Variants in ESRRG observed in about 807,000 individuals in gnomAD.
The protein encoded by ESRRG is estrogen-related receptor gamma.
In ESRRG, 13 loss-of-function variants were observed where a neutral mutation model predicts 44.0. The observed-to-expected ratio is 0.30, with a 90% CI of 0.19 to 0.47. ESRRG has a LOEUF of 0.47. Among genes scored for constraint, ESRRG ranks in the 20% least tolerant of loss-of-function variants. ESRRG has a pLI of 1.00. For synonymous variants in ESRRG, 215 were observed against 214.6 expected, an observed-to-expected ratio of 1.00 and a Z score of -0.02; for missense variants, 395 against 580.6, an observed-to-expected ratio of 0.68 and a Z score of 3.29.
intron 2 of ESRRG, among the ~76,000 whole-genome samples, chr1:216,917,819 G>A (rs367885055): frequency 6.6e-6 from 1 of 152,144 alleles, no homozygotes; most frequent in Non-Finnish European, 1.5e-5. Context: ...TTTCTTATCC[G>A]CAAATTAAAA....
At chr1:216,912,986 G>A (rs1021384889) in intron 2 of ESRRG, among the ~76,000 whole-genome samples, 1 of 151,632 alleles carries the variant, frequency 6.6e-6, no homozygotes, top group Admixed American at 6.6e-5. Context: ...AGCTGGGCGT[G>A]GTGACATATG....
chr1:216,515,236 TATATATATGCATGGATGTGTGTAC>T (rs2148848161), intron 6 of ESRRG, among the ~76,000 whole-genome samples: 1 of 152,052 alleles, frequency 6.6e-6, no homozygotes, highest in Non-Finnish European at 1.5e-5. Flanking sequence ...TATAATATAA[TATATATATGCATGGATGTGTGTAC>T]ACGTATGTAT....
At chr1:217,132,628 G>A (rs895566449) in intron 1 of ESRRG, among the ~76,000 whole-genome samples, 1 of 152,056 alleles carries the variant, frequency 6.6e-6, no homozygotes, top group Non-Finnish European at 1.5e-5. Flanking sequence ...ATGATCTAAG[G>A]TCGGTCGTCT....
At chr1:216,875,638 A>C (rs565204172) in intron 2 of ESRRG, among the ~76,000 whole-genome samples, 1 of 152,050 alleles carries the variant, frequency 6.6e-6, no homozygotes, top group African/African-American at 2.4e-5. Context: ...TTTATATTAT[A>C]TTTATTTATA....
At chr1:217,036,067 A>G (rs2082836688) in intron 1 of ESRRG, among the ~76,000 whole-genome samples, 1 of 152,226 alleles carries the variant, frequency 6.6e-6, no homozygotes, top group South Asian at 2.1e-4. Flanking sequence ...GAAAAGCTCA[A>G]CTTCACTGAT....
At chr1:217,135,263 C>G (rs970311571) in intron 1 of ESRRG, among the ~76,000 whole-genome samples, 32 of 152,138 alleles carry the variant, frequency 2.1e-4, no homozygotes, top group South Asian at 1.0e-3. Flanking sequence ...CTCCGCCCAG[C>G]CCCGTACAGT....
chr1:217,106,399 C>T (rs1248831929), intron 1 of ESRRG, among the ~76,000 whole-genome samples: 1 of 151,234 alleles, frequency 6.6e-6, no homozygotes, highest in East Asian at 1.9e-4. Flanking sequence ...TATGCACACA[C>T]ACACACACAC....
chr1:216,772,401 G>GT (rs548920383), intron 2 of ESRRG, among the ~76,000 whole-genome samples: 104 of 152,174 alleles, frequency 6.8e-4, no homozygotes, highest in African/African-American at 2.4e-3. Context: ...CACATGACAA[G>GT]TTTGGGAAGA....
At chr1:217,030,588 A>C (rs1412772748) in intron 1 of ESRRG, among the ~76,000 whole-genome samples, 1 of 152,140 alleles carries the variant, frequency 6.6e-6, no homozygotes, top group Non-Finnish European at 1.5e-5. Context: ...GTTAGACAAG[A>C]TCTCTAAGCC....
At chr1:216,556,645 G>C (rs1260138232) in intron 5 of ESRRG, among the ~76,000 whole-genome samples, 1 of 152,104 alleles carries the variant, frequency 6.6e-6, no homozygotes, top group East Asian at 1.9e-4. Flanking sequence ...TCATGATGGG[G>C]TCCTTGCAGA....
intron 2 of ESRRG, among the ~76,000 whole-genome samples, chr1:216,663,358 G>A (rs1450633564): frequency 6.6e-6 from 1 of 152,114 alleles, no homozygotes; most frequent in Admixed American, 6.6e-5. Flanking sequence ...ACTGTAAATA[G>A]TATGCACTGA....
intron 1 of ESRRG, among the ~76,000 whole-genome samples, chr1:217,075,922 A>T (rs931739433): frequency 1.3e-5 from 2 of 152,130 alleles, no homozygotes; most frequent in East Asian, 1.9e-4. Flanking sequence ...TCATGTGCTG[A>T]TTGGTTCTAT....
intron 2 of ESRRG, among the ~76,000 whole-genome samples, chr1:216,785,386 A>T (rs1205057272): frequency 6.6e-6 from 1 of 152,030 alleles, no homozygotes; most frequent in Non-Finnish European, 1.5e-5. Flanking sequence ...CGCAGCTTGC[A>T]CCATCAGCAA....
intron 2 of ESRRG, among the ~76,000 whole-genome samples, chr1:216,915,163 C>T (rs1257164239): frequency 2.6e-5 from 4 of 152,164 alleles, no homozygotes; most frequent in Non-Finnish European, 4.4e-5. Flanking sequence ...GCCACACCAC[C>T]TCATGAATTG....
intron 1 of ESRRG, among the ~76,000 whole-genome samples, chr1:217,123,420 C>G (rs1483095476): frequency 6.6e-6 from 1 of 152,082 alleles, no homozygotes; most frequent in African/African-American, 2.4e-5. Context: ...CTTCCTTTTT[C>G]TGCTCCACCA....
chr1:216,806,301 G>A (rs558585368), intron 2 of ESRRG, among the ~76,000 whole-genome samples: 1 of 152,248 alleles, frequency 6.6e-6, no homozygotes, highest in South Asian at 2.1e-4. Flanking sequence ...AACAAAACAG[G>A]CTGGCTTTTT....
intron 3 of ESRRG, among the ~76,000 whole-genome samples, chr1:216,610,393 C>T (rs1405946394): frequency 3.9e-5 from 6 of 152,088 alleles, no homozygotes; most frequent in East Asian, 1.9e-4. Context: ...GTCCATGCAG[C>T]TTGCAGGGCT....
chr1:216,582,715 C>G (rs11572746), intron 3 of ESRRG, among the ~76,000 whole-genome samples: 42 of 152,280 alleles, frequency 2.8e-4, no homozygotes, highest in Middle Eastern at 6.8e-3. Flanking sequence ...CAGATTACAC[C>G]AAGTTCATCA....
chr1:217,049,543 G>C (rs1483816086), intron 1 of ESRRG, among the ~76,000 whole-genome samples: 1 of 152,180 alleles, frequency 6.6e-6, no homozygotes, highest in African/African-American at 2.4e-5. Flanking sequence ...TTTTGAGAAG[G>C]TGCTAAGGCA....
Sources: allele counts gnomAD v4.1 joint callset (sites outside exome capture counted in the v4.1 genomes callset), GRCh38; gene constraint gnomAD v4.1.1; transcripts MANE v1.5; gene names NCBI Gene and HGNC (gene_info 2026-07-23, HGNC 2026-07-21).